The following SPTBN4 variants were observed in gnomAD, a reference collection of about 807,000 sequenced individuals.
The protein encoded by SPTBN4 is spectrin beta, non-erythrocytic 4, also known as spectrin beta chain, non-erythrocytic 4.
Under a neutral mutation model 277.8 loss-of-function variants are expected in SPTBN4, and 96 were observed. The observed-to-expected ratio is 0.35, with a 90% CI of 0.29 to 0.41. The LOEUF is 0.41. Ranked by LOEUF, SPTBN4 falls within the 10% of genes least tolerant of loss-of-function variation. The pLI, the probability that SPTBN4 is intolerant of heterozygous loss-of-function variation, is 1.00. For synonymous variants in SPTBN4, 1,481 were observed against 1,580.3 expected, an observed-to-expected ratio of 0.94 and a Z score of 1.49; for missense variants, 3,006 against 3,595.7, an observed-to-expected ratio of 0.84 and a Z score of 4.19.
rs1472189985 is a variant in SPTBN4, at chr19:40,567,982, C to A, written c.6656C>A (p.Ala2219Glu). The A allele has an allele frequency of 3.3e-6, 5 of 1,498,776 alleles. No homozygotes were observed. In the Admixed American group the frequency reaches 9.2e-5, roughly 28 times the overall value. 92.8% of individuals were successfully genotyped at this position (1,498,776 alleles called of 1,614,324 possible). A position where few individuals can be genotyped will look rare whatever the true frequency, so the allele number is the denominator to read the frequency against. Reference protein sequence around the residue: ...AAPEDAAETPATPAAAEQVRP... With the variant: ...AAPEDAAETPETPAAAEQVRP... The stretch of plus-strand genomic sequence containing the variant: ...CCAGAGGACGCGGCGGAGACCCCCG[C>A]GACCCCCGCGGCGGCGGAGCAGGTG... The change falls in exon 31 of 36, where the codon GCG (alanine) becomes GAG (glutamate). Residue 2219 changes from alanine to glutamate, a missense_variant. Physicochemically the swap from Ala to Glu is moderately radical, Grantham distance 107 (BLOSUM62 -1). Around this residue, in one of 5 missense-constraint regions of SPTBN4, gnomAD observed 630 missense variants for 677.6 expected, o/e 0.93. Coordinates refer to ENST00000598249, the MANE Select transcript of SPTBN4 (RefSeq NM_020971.3).
Position 40,490,043 on chromosome 19 carries a change from C to A in SPTBN4, c.322-32C>A, listed in dbSNP as rs577790782. The A allele has an allele frequency of 6.2e-5, 98 of 1,568,744 alleles. No individual in the cohort carries two copies. Among genetic ancestry groups the A allele is most frequent in the Admixed American group, 5.6e-4 (31 of 55,010 alleles). On this transcript the variant is annotated intron_variant, in intron 3 of 35. Transcript: ENST00000598249. The surrounding 1 kb of genome is among the most constrained non-coding windows in gnomAD (Gnocchi z 4.3). ...GGCGCCATACTCCTGTCTGTCCAGACCCCCGATCGCCCACCGCCCCTGTCG... is the reference window on the plus strand; with the variant it reads ...GGCGCCATACTCCTGTCTGTCCAGAACCCCGATCGCCCACCGCCCCTGTCG...
At chr19:40,564,450 A>C (rs2081073023) in intron 27 of SPTBN4, among the ~76,000 whole-genome samples, 1 of 152,244 alleles carries the variant, frequency 6.6e-6, no homozygotes, top group Non-Finnish European at 1.5e-5. Context: ...AAGTGCTCAC[A>C]TGTCTAGTGG....
Position 40,510,634 on chromosome 19 carries a change from T to C in SPTBN4, c.1817-1972T>C, listed in dbSNP as rs553728590. On this transcript the variant is annotated intron_variant, in intron 13 of 35. Coordinates refer to ENST00000598249, the MANE Select transcript of SPTBN4 (RefSeq NM_020971.3). ...TGTTGTTATTGTAACTATTATTCAGTTGGATACCTTGTGGTTTGAGTCAAC... is the reference window on the plus strand; with the variant it reads ...TGTTGTTATTGTAACTATTATTCAGCTGGATACCTTGTGGTTTGAGTCAAC... Among the ~76,000 whole-genome samples the C allele has an allele frequency of 3.3e-5, 5 of 152,300 alleles. No homozygotes were observed. In the East Asian group the frequency reaches 5.8e-4, roughly 18 times the overall value.
At position 40,549,072 on chromosome 19, in the gene SPTBN4, G is replaced by A. The variant is rs1452149957; in HGVS notation, c.4360-117G>A. On this transcript the variant is annotated intron_variant, in intron 20 of 35. Transcript: ENST00000598249. ...GCTCCTGGAGGGGACTGAACAAGGAGAGGGTGGAAGGGTGGGCCGCGGTGA... is the reference window on the plus strand; with the variant it reads ...GCTCCTGGAGGGGACTGAACAAGGAAAGGGTGGAAGGGTGGGCCGCGGTGA... 1.2e-5 allele frequency: 9 copies of A among 773,474 alleles called. No homozygotes were observed. In the East Asian group the frequency reaches 2.3e-4, roughly 20 times the overall value. 47.9% of individuals were successfully genotyped at this position (773,474 alleles called of 1,614,324 possible).
In SPTBN4 at chr19:40,506,429, CAG is replaced by C. The variant is rs752475466; in HGVS notation, c.1816+44_1816+45del. Reference sequence around the variant, plus strand: ...GGCTGGGGCTATGGGTGGAGACTGTCAGGACTGGTGCTAATAGAGGCAAGAGT... The same window carrying C: ...GGCTGGGGCTATGGGTGGAGACTGTCGACTGGTGCTAATAGAGGCAAGAGT... On this transcript the variant is annotated intron_variant, in intron 13 of 35. Transcript: ENST00000598249. The C allele has an allele frequency of 2.6e-5, 41 of 1,582,182 alleles. 2 individuals are homozygous for C. The South Asian group carries it at 4.5e-4, about 17-fold the overall frequency.
chr19:40,489,967 CA>C (rs2080118335), intron 3 of SPTBN4, 107 bp from the exon 4 acceptor site: 3 of 1,198,562 alleles, frequency 2.5e-6, no homozygotes, highest in Non-Finnish European at 3.4e-6. Flanking sequence ...CCTGGACACT[CA>C]GGGGGCGTGG....
rs1352537015 is a variant in SPTBN4, at chr19:40,520,109, C to T, written c.3612C>T (p.Phe1204=). The change falls in exon 16 of 36, where the codon TTC becomes TTT. Residue 1204 remains phenylalanine, a synonymous_variant. Coordinates refer to ENST00000598249, the MANE Select transcript of SPTBN4 (RefSeq NM_020971.3). The part of the protein sequence containing the change: ...ALVQAHIYQL[F]LRDLRQALVV... ...TCCAGGCGCACATCTACCAGCTCTT[C>T]CTGCGGGATCTACGCCAGGCGCTCG... 1.0e-5 allele frequency: 15 copies of T among 1,469,914 alleles called. No homozygotes were observed. In the South Asian group the frequency reaches 2.0e-4, roughly 20 times the overall value. 91.1% of individuals were successfully genotyped at this position (1,469,914 alleles called of 1,614,324 possible).
chr19:40,497,441 C>T (rs774289777), intron 6 of SPTBN4, 48 bp from the exon 7 acceptor site: 20 of 1,450,968 alleles, frequency 1.4e-5, no homozygotes, highest in Admixed American at 1.0e-4. Context: ...GCTTGCCCGC[C>T]GGCTCTGGAG....
At chr19:40,468,144 C>A (rs1023291913) in intron 1 of SPTBN4, among the ~76,000 whole-genome samples, 1 of 150,952 alleles carries the variant, frequency 6.6e-6, no homozygotes, top group Non-Finnish European at 1.5e-5. Flanking sequence ...ATGGCGCGAT[C>A]TTGGCTCACT....
intron 27 of SPTBN4, 152 bp from the exon 28 acceptor site, chr19:40,565,271 A>AAAAAAGAAAAG (rs1169581747): frequency 3.1e-6 from 3 of 980,046 alleles, no homozygotes; most frequent in East Asian, 4.9e-5. Context: ...TCTCAAAAAA[A>AAAAAAGAAAAG]AAAAGAAAAG....
At position 40,506,389 on chromosome 19, in the gene SPTBN4, G is replaced by A. The variant is rs746757147; in HGVS notation, c.1816+3G>A. 7.5e-6 allele frequency: 12 copies of A among 1,610,176 alleles called. No individual in the cohort carries two copies. Among genetic ancestry groups the A allele is most frequent in the Non-Finnish European group, 1.0e-5 (12 of 1,177,540 alleles). Reference sequence around the variant, plus strand: ...CCTGCGCTTCTCCCAGCTGCAGGGTGAGTCTTGGGGCTGGGGCTGGGGCTA... The same window carrying A: ...CCTGCGCTTCTCCCAGCTGCAGGGTAAGTCTTGGGGCTGGGGCTGGGGCTA... On this transcript the variant is annotated splice_donor_region_variant and intron_variant, in intron 13 of 35. Transcript: ENST00000598249.
At chr19:40,564,963 C>G (rs1270990440) in intron 27 of SPTBN4, among the ~76,000 whole-genome samples, 3 of 151,934 alleles carry the variant, frequency 2.0e-5, no homozygotes, top group Non-Finnish European at 4.4e-5. Context: ...AGAATTTGGT[C>G]ATCGAAAGTA....
At chr19:40,548,967 C>G (rs766000438) in intron 20 of SPTBN4, among the ~76,000 whole-genome samples, 4 of 152,282 alleles carry the variant, frequency 2.6e-5, no homozygotes, top group East Asian at 1.9e-4. Flanking sequence ...GAAGAGCATG[C>G]CTGGCAGAGG....
At chr19:40,508,556 C>T (rs554956543) in intron 13 of SPTBN4, among the ~76,000 whole-genome samples, 12 of 152,262 alleles carry the variant, frequency 7.9e-5, no homozygotes, top group East Asian at 1.9e-4. Flanking sequence ...GGTGTGGTGG[C>T]ATGAGCCTGT....
intron 26 of SPTBN4, among the ~76,000 whole-genome samples, chr19:40,559,690 G>A (rs2081022066): frequency 6.6e-6 from 1 of 152,188 alleles, no homozygotes; most frequent in African/African-American, 2.4e-5. Flanking sequence ...GATAGAGTGA[G>A]CAGAGCTCAT....
chr19:40,549,372 A>C lies in SPTBN4; in HGVS notation c.4543A>C (p.Lys1515Gln). 6.6e-7 allele frequency: 1 copy of C among 1,505,848 alleles called. No homozygotes were observed. Among genetic ancestry groups the C allele is most frequent in the Non-Finnish European group, 8.9e-7 (1 of 1,128,416 alleles). 93.3% of individuals were successfully genotyped at this position (1,505,848 alleles called of 1,614,324 possible). A position where few individuals can be genotyped will look rare whatever the true frequency, so the allele number is the denominator to read the frequency against. Reference protein sequence around the residue: ...QERRRLLLASKELHQVAHDLD... With the variant: ...QERRRLLLASQELHQVAHDLD... ...GCGCCGCCGCTTGCTGCTGGCTTCC[A>C]AGGAGTTGCACCAGGTGGCGCACGA... Residue 1515 changes from lysine to glutamine, a missense_variant, in exon 21 of 36, where the codon AAG (lysine) becomes CAG (glutamine). Lys to Gln is a moderately conservative substitution (Grantham distance 53). Around this residue, in one of 5 missense-constraint regions of SPTBN4, gnomAD observed 1,759 missense variants for 2,061.5 expected, o/e 0.85. Coordinates refer to ENST00000598249, the MANE Select transcript of SPTBN4 (RefSeq NM_020971.3).
In SPTBN4 at chr19:40,490,824, G is replaced by A. The variant is rs1334117611; in HGVS notation, c.495+576G>A. On this transcript the variant is annotated intron_variant, in intron 4 of 35. Transcript: ENST00000598249. The surrounding 1 kb of genome is among the most constrained non-coding windows in gnomAD (Gnocchi z 4.3). ...AGCACTTTGCGAGGCTGAGATGGGA[G>A]GAACACTAAGGCCAGGAGTTTGAGA... 2.0e-5 allele frequency among the ~76,000 whole-genome samples: 3 copies of A among 152,192 alleles called. No homozygotes were observed. Among genetic ancestry groups the A allele is most frequent in the Non-Finnish European group, 4.4e-5 (3 of 68,032 alleles).
intron 4 of SPTBN4, among the ~76,000 whole-genome samples, chr19:40,491,111 T>C (rs1393181684): frequency 6.6e-6 from 1 of 151,864 alleles, no homozygotes; most frequent in Non-Finnish European, 1.5e-5. Flanking sequence ...AAAATGTCAG[T>C]TGGTGGTGTT....
chr19:40,481,818 A>C (rs1444574736), intron 2 of SPTBN4, among the ~76,000 whole-genome samples: 1 of 152,036 alleles, frequency 6.6e-6, no homozygotes, highest in Admixed American at 6.6e-5. Flanking sequence ...GTGGCTGTGC[A>C]TTCTGTTGTG....
Sources: gnomAD v4.1 joint callset for allele counts (sites outside exome capture counted in the v4.1 genomes callset) on GRCh38, gnomAD v4.1.1 for gene constraint, gnomAD v4.1.1 regional missense constraint, Gnocchi (gnomAD v3.1) non-coding constraint, MANE v1.5 for transcripts, NCBI Gene and HGNC (gene_info 2026-07-23, HGNC 2026-07-21) for gene names.